The following ENTREP2 variants were observed in gnomAD, a reference collection of about 807,000 sequenced individuals.
ENTREP2 encodes the protein endosomal transmembrane epsin interactor 2.
the ENTREP2 span, among the ~76,000 whole-genome samples, chr15:29,359,563 C>A: frequency 6.6e-6 from 1 of 152,226 alleles, no homozygotes; most frequent in African/African-American, 2.4e-5. Flanking sequence ...GGGGCATGCA[C>A]CACCACACCC....
At chr15:29,180,612 C>T in the ENTREP2 span, among the ~76,000 whole-genome samples, 6 of 151,750 alleles carry the variant, frequency 4.0e-5, no homozygotes, top group African/African-American at 1.2e-4. Flanking sequence ...TGCAGTGAGC[C>T]GAGATCACGC....
the ENTREP2 span, chr15:29,120,426 G>C: frequency 0.92 from 139,747 of 152,374 alleles, 64,087 homozygotes; most frequent in Middle Eastern, 0.96. Context: ...GGAGAAGCAT[G>C]TGTGTGTAGC....
chr15:29,419,426 G>A, the ENTREP2 span, among the ~76,000 whole-genome samples: 114,453 of 151,962 alleles, frequency 0.75, 44,173 homozygotes, highest in African/African-American at 0.92. Context: ...CAATTAAAAC[G>A]AATACCCAAA....
chr15:29,675,252 C>T, the ENTREP2 span: 1 of 152,398 alleles, frequency 6.6e-6, no homozygotes, highest in Non-Finnish European at 1.5e-5. Flanking sequence ...CTTTGGCCAC[C>T]CAGGCACTTT....
chr15:29,280,059 C>T, the ENTREP2 span, among the ~76,000 whole-genome samples: 4 of 152,104 alleles, frequency 2.6e-5, no homozygotes, highest in Admixed American at 6.6e-5. Flanking sequence ...TTGATGTATC[C>T]GCATTTCACA....
chr15:29,356,296 ATTTTTTTTTT>A, the ENTREP2 span, among the ~76,000 whole-genome samples: 1,009 of 33,918 alleles, frequency 0.03, 6 homozygotes, highest in Non-Finnish European at 0.047. Context: ...ATATATATAT[ATTTTTTTTTT>A]TTTTTTTTTT....
At chr15:29,575,377 A>C in the ENTREP2 span, among the ~76,000 whole-genome samples, 1 of 152,234 alleles carries the variant, frequency 6.6e-6, no homozygotes, top group Non-Finnish European at 1.5e-5. Flanking sequence ...AAGGACATTT[A>C]TGAAAGACCC....
chr15:29,188,487 C>T, the ENTREP2 span, among the ~76,000 whole-genome samples: 1 of 152,144 alleles, frequency 6.6e-6, no homozygotes. Context: ...TCAACTCCCA[C>T]TTATGAGTAA....
At chr15:29,126,542 G>T in the ENTREP2 span, 1,134,642 of 1,498,358 alleles carry the variant, frequency 0.76, 434,066 homozygotes, top group Middle Eastern at 0.84. Context: ...GGGGACGCTG[G>T]CGTGGGACAG....
At chr15:29,318,060 C>T in the ENTREP2 span, among the ~76,000 whole-genome samples, 298 of 152,180 alleles carry the variant, frequency 2.0e-3, 1 homozygote, top group African/African-American at 6.5e-3. Context: ...TTCCGCGTTT[C>T]CAGAGAGCTC....
At chr15:29,475,851 A>C in the ENTREP2 span, among the ~76,000 whole-genome samples, 1 of 152,232 alleles carries the variant, frequency 6.6e-6, no homozygotes, top group Admixed American at 6.5e-5. Flanking sequence ...CCAGAGAAGC[A>C]GGATCTACGG....
At chr15:29,432,143 A>G in the ENTREP2 span, among the ~76,000 whole-genome samples, 9 of 152,194 alleles carry the variant, frequency 5.9e-5, no homozygotes, top group Non-Finnish European at 1.3e-4. Flanking sequence ...CTCTCAACTC[A>G]TGGAGTCTAA....
At chr15:29,358,232 G>T in the ENTREP2 span, among the ~76,000 whole-genome samples, 1 of 152,106 alleles carries the variant, frequency 6.6e-6, no homozygotes. Flanking sequence ...TTCACACCAT[G>T]GAAGACTGCA....
chr15:29,371,931 G>A, the ENTREP2 span, among the ~76,000 whole-genome samples: 2 of 151,812 alleles, frequency 1.3e-5, no homozygotes, highest in African/African-American at 4.8e-5. Context: ...TAGATAGATA[G>A]ATAGATAGAT....
the ENTREP2 span, among the ~76,000 whole-genome samples, chr15:29,485,991 C>A: frequency 6.6e-5 from 10 of 152,290 alleles, no homozygotes; most frequent in African/African-American, 2.4e-4. Context: ...CCATATGATC[C>A]AGCAATCCCA....
the ENTREP2 span, among the ~76,000 whole-genome samples, chr15:29,607,798 GGATA>G: frequency 4.0e-3 from 603 of 149,944 alleles, 2 homozygotes; most frequent in African/African-American, 8.1e-3. Flanking sequence ...TAGAATAGAG[GGATA>G]GATAGATAGA....
chr15:29,647,362 C>T, the ENTREP2 span, among the ~76,000 whole-genome samples: 3 of 152,282 alleles, frequency 2.0e-5, no homozygotes, highest in African/African-American at 4.8e-5. Context: ...GTCTATGTAT[C>T]GCCTTTTTAC....
chr15:29,475,264 C>T, the ENTREP2 span, among the ~76,000 whole-genome samples: 1 of 152,138 alleles, frequency 6.6e-6, no homozygotes, highest in Non-Finnish European at 1.5e-5. Flanking sequence ...TACAGGCTCA[C>T]AGCAGGCTGC....
the ENTREP2 span, among the ~76,000 whole-genome samples, chr15:29,372,720 T>C: frequency 0.28 from 42,898 of 152,108 alleles, 10,038 homozygotes; most frequent in African/African-American, 0.65. Context: ...ATAAGTCATT[T>C]GACTTATTAT....
Sources: gnomAD v4.1 joint callset for allele counts (sites outside exome capture counted in the v4.1 genomes callset) on GRCh38, gnomAD v4.1.1 for gene constraint, MANE v1.5 for transcripts, NCBI Gene and HGNC (gene_info 2026-07-23, HGNC 2026-07-21) for gene names.